The following CLASP2 variants were observed in gnomAD, a reference collection of about 807,000 sequenced individuals.
CLASP2 encodes cytoplasmic linker associated protein 2.
CLASP2 carries 47 observed loss-of-function variants against 194.4 expected under a neutral mutation model. The observed-to-expected ratio is 0.24, with a 90% CI of 0.19 to 0.31. CLASP2 has a LOEUF of 0.31. CLASP2 is among the 10% of genes least tolerant of loss of function. CLASP2 has a pLI of 1.00. For missense variants in CLASP2, 1,445 were observed against 1,823.6 expected, an observed-to-expected ratio of 0.79 and a Z score of 3.78; for synonymous variants, 619 against 633.5, an observed-to-expected ratio of 0.98 and a Z score of 0.34.
intron 30 of CLASP2, 117 bp downstream of exon 30, chr3:33,551,135 C>T: frequency 1.2e-6 from 1 of 830,940 alleles, no homozygotes; most frequent in Non-Finnish European, 1.8e-6. Context: ...TTAAAAAGCT[C>T]TTCATAACTC....
At chr3:33,548,685 C>T (rs1359894710) in intron 30 of CLASP2, among the ~76,000 whole-genome samples, 2 of 149,276 alleles carry the variant, frequency 1.3e-5, no homozygotes, top group African/African-American at 4.9e-5. Context: ...CAGGCTTATA[C>T]AATTATCTCT....
intron 6 of CLASP2, among the ~76,000 whole-genome samples, chr3:33,667,256 A>G (rs1366403715): frequency 6.6e-6 from 1 of 151,934 alleles, no homozygotes; most frequent in Non-Finnish European, 1.5e-5. Context: ...TACTGAAAAT[A>G]CAAAACATAG....
intron 12 of CLASP2, among the ~76,000 whole-genome samples, chr3:33,614,321 T>A (rs933054323): frequency 6.6e-6 from 1 of 152,106 alleles, no homozygotes; most frequent in Admixed American, 6.5e-5. Context: ...AGACAAGAAG[T>A]TATTCAAAAA....
intron 8 of CLASP2, among the ~76,000 whole-genome samples, chr3:33,641,148 C>T (rs2081200656): frequency 6.6e-6 from 1 of 151,532 alleles, no homozygotes. Context: ...TCATTTAAAT[C>T]TCAGAATCTT....
At chr3:33,522,483 C>G (rs1171287742) in intron 34 of CLASP2, among the ~76,000 whole-genome samples, 1 of 152,020 alleles carries the variant, frequency 6.6e-6, no homozygotes, top group African/African-American at 2.4e-5. Context: ...TATTAAGATT[C>G]AAATATCCAG....
chr3:33,551,294 G>A lies in CLASP2; in HGVS notation c.3111C>T (p.Val1037=). The change falls in exon 30 of 39, where the codon GTC becomes GTT. Residue 1037 remains valine, a synonymous_variant. Transcript: ENST00000682230. ...SSETRLAVSR[V]ITWTTEPKSS... ...TTTTGGGTTCTGTTGTCCAAGTGAT[G>A]ACCCGAGACACTGCTAGGCGAGTTT... 1 of 1,613,330 alleles carries A rather than the reference G, an allele frequency of 6.2e-7. No homozygotes were observed. The highest frequency in any genetic ancestry group is 8.5e-7 in the Non-Finnish European group (1 of 1,179,542).
chr3:33,651,728 T>C (rs1020903061), intron 7 of CLASP2, among the ~76,000 whole-genome samples: 1 of 151,216 alleles, frequency 6.6e-6, no homozygotes, highest in Non-Finnish European at 1.5e-5. Flanking sequence ...GGTGTGATCT[T>C]GGCTCACTGC....
rs755626540 is a variant in CLASP2 at position 33,659,128 on chromosome 3, T to G, written c.715+4317A>C. ...TGTGTGACCCAGGCCTCGCTGCAGC[T>G]CTGCACCGCAATAGCCAACAGCTGC... On this transcript the variant is annotated intron_variant, in intron 7 of 38. Transcript: ENST00000682230. The G allele has an allele frequency of 7.0e-4, 1,005 of 1,429,944 alleles. 2 individuals carry two copies. The highest frequency in any genetic ancestry group is 7.4e-4 in the Non-Finnish European group (813 of 1,095,800). The allele number at this position is 1,429,944 out of a possible 1,614,324, so 88.6% of individuals were successfully genotyped here.
intron 6 of CLASP2, among the ~76,000 whole-genome samples, chr3:33,682,745 A>G (rs566811685): frequency 6.6e-6 from 1 of 152,200 alleles, no homozygotes; most frequent in Non-Finnish European, 1.5e-5. Context: ...TTTTTAGTTG[A>G]ACAGGTTTTA....
At chr3:33,592,344 A>G in intron 21 of CLASP2, 51 bp downstream of exon 21, 1 of 1,271,366 alleles carries the variant, frequency 7.9e-7, no homozygotes. Context: ...AAAGCAACAC[A>G]CTTATCCTAA....
chr3:33,636,609 GTTTA>G (rs1430945302), intron 8 of CLASP2, among the ~76,000 whole-genome samples: 3 of 152,068 alleles, frequency 2.0e-5, no homozygotes, highest in Admixed American at 2.0e-4. Flanking sequence ...ATTTTTGTTT[GTTTA>G]TTTATTGCGA....
intron 8 of CLASP2, among the ~76,000 whole-genome samples, chr3:33,636,600 T>A (rs761864018): frequency 1.3e-5 from 2 of 151,860 alleles, no homozygotes; most frequent in African/African-American, 2.4e-5. Flanking sequence ...AGGAAAAAAA[T>A]TTTTGTTTGT....
intron 7 of CLASP2, among the ~76,000 whole-genome samples, chr3:33,653,860 T>C (rs1048374134): frequency 2.6e-5 from 4 of 152,132 alleles, no homozygotes; most frequent in Admixed American, 2.6e-4. Context: ...ATAATAATTT[T>C]AATCACTTTA....
At chr3:33,529,910 G>A (rs1027712903) in intron 34 of CLASP2, among the ~76,000 whole-genome samples, 1 of 149,518 alleles carries the variant, frequency 6.7e-6, no homozygotes, top group African/African-American at 2.4e-5. Context: ...CCCGGGAGGC[G>A]GAGCTTGCAG....
intron 34 of CLASP2, among the ~76,000 whole-genome samples, chr3:33,522,711 G>A (rs1472035293): frequency 6.6e-6 from 1 of 152,154 alleles, no homozygotes; most frequent in Non-Finnish European, 1.5e-5. Context: ...TCAGTAAAGA[G>A]ATAGAAAACC....
chr3:33,707,101 A>G (rs187244053), intron 1 of CLASP2, among the ~76,000 whole-genome samples: 1 of 152,332 alleles, frequency 6.6e-6, no homozygotes, highest in East Asian at 1.9e-4. Context: ...TCTTCCCATG[A>G]AAAAAAGATC....
intron 1 of CLASP2, among the ~76,000 whole-genome samples, chr3:33,716,796 T>C (rs1371100231): frequency 6.6e-6 from 1 of 152,246 alleles, no homozygotes; most frequent in Non-Finnish European, 1.5e-5. Flanking sequence ...AAAACTCATC[T>C]GGGCTTTACC....
At chr3:33,673,391 C>T (rs1355298441) in intron 6 of CLASP2, among the ~76,000 whole-genome samples, 1 of 152,160 alleles carries the variant, frequency 6.6e-6, no homozygotes, top group African/African-American at 2.4e-5. Flanking sequence ...CAAGCAAATG[C>T]TGAGAGATTT....
intron 21 of CLASP2, among the ~76,000 whole-genome samples, chr3:33,588,261 C>G (rs1328652451): frequency 6.6e-6 from 1 of 152,014 alleles, no homozygotes; most frequent in East Asian, 1.9e-4. Flanking sequence ...GGCTCCTTCC[C>G]CAGTAAAGAG....
Sources: allele counts gnomAD v4.1 joint callset (sites outside exome capture counted in the v4.1 genomes callset), GRCh38; gene constraint gnomAD v4.1.1; transcripts MANE v1.5; gene names NCBI Gene and HGNC (gene_info 2026-07-23, HGNC 2026-07-21).